RALGAPA2: variants seen among roughly 807,000 people sequenced by gnomAD.
RALGAPA2 encodes the protein ral GTPase-activating protein subunit alpha-2.
RALGAPA2 carries 139 observed loss-of-function variants against 230.4 expected under a neutral mutation model. The ratio of observed to expected loss-of-function variants is 0.60; its 90% CI spans 0.53 to 0.69. The LOEUF is 0.69. RALGAPA2 is among the 30% of genes least tolerant of loss of function. RALGAPA2 has a pLI of 0.00. For synonymous variants in RALGAPA2, 847 were observed against 837.8 expected (o/e 1.01, Z -0.19); for missense variants, 2,163 against 2,276.0 (o/e 0.95, Z 1.01).
At position 20,390,050 on chromosome 20, in the gene RALGAPA2, C is replaced by G. The variant is rs999305632; in HGVS notation, c.*3239G>C. On this transcript the variant is annotated 3_prime_UTR_variant, in exon 40 of 40. Coordinates refer to ENST00000202677, the MANE Select transcript of RALGAPA2 (RefSeq NM_020343.4). Reference sequence around the variant, plus strand: ...ATTTCCCTCGGATGCAGACGCTGCCCTTCAGTAGATATAAAGGTAGCACAG... The same window carrying G: ...ATTTCCCTCGGATGCAGACGCTGCCGTTCAGTAGATATAAAGGTAGCACAG... 6.6e-6 allele frequency: 1 copy of G among 152,094 alleles called. No individual in the cohort carries two copies. The highest frequency in any genetic ancestry group is 1.5e-5 in the Non-Finnish European group (1 of 68,026). 9.4% of individuals were successfully genotyped at this position (152,094 alleles called of 1,614,324 possible). A position where few individuals can be genotyped will look rare whatever the true frequency, so the allele number is the denominator to read the frequency against.
Position 20,575,575 on chromosome 20 carries a change from CA to C in RALGAPA2, c.2708-2508del, listed in dbSNP as rs1372121546. Reference sequence around the variant, plus strand: ...TTCACCATTTTCTAGGGTGAAAAAGCAGTGGCCAGTGGCAACAGAGCTCTAA... The same window carrying C: ...TTCACCATTTTCTAGGGTGAAAAAGCGTGGCCAGTGGCAACAGAGCTCTAA... On this transcript the variant is annotated intron_variant, in intron 20 of 39. Coordinates refer to ENST00000202677, the MANE Select transcript of RALGAPA2 (RefSeq NM_020343.4). Among the ~76,000 whole-genome samples the C allele has an allele frequency of 3.9e-5, 6 of 152,218 alleles. No homozygotes were observed. In the East Asian group the frequency reaches 1.2e-3, roughly 29 times the overall value.
At chr20:20,491,991 C>A (rs1445173286) in intron 36 of RALGAPA2, among the ~76,000 whole-genome samples, 1 of 151,960 alleles carries the variant, frequency 6.6e-6, no homozygotes, top group Non-Finnish European at 1.5e-5. Flanking sequence ...GCGGATTCTG[C>A]CAGGCACATA....
chr20:20,485,678 C>T (rs2061892653), intron 36 of RALGAPA2, among the ~76,000 whole-genome samples: 1 of 152,208 alleles, frequency 6.6e-6, no homozygotes, highest in Non-Finnish European at 1.5e-5. Flanking sequence ...TCAAATAACA[C>T]TATACTGCTT....
At chr20:20,680,860 A>T in intron 1 of RALGAPA2, 59 bp from the exon 2 acceptor site, 1 of 1,508,452 alleles carries the variant, frequency 6.6e-7, no homozygotes, top group African/African-American at 1.4e-5. Flanking sequence ...AAGAATTTAG[A>T]AACAAACTTC....
intron 19 of RALGAPA2, 44 bp downstream of exon 19, chr20:20,584,821 T>C (rs1383849751): frequency 1.5e-6 from 2 of 1,354,870 alleles, no homozygotes; most frequent in Admixed American, 1.7e-5. Context: ...AAATAGAACA[T>C]ATCAACTCTG....
At chr20:20,539,502 TA>T (rs1013299564) in intron 24 of RALGAPA2, among the ~76,000 whole-genome samples, 32 of 152,222 alleles carry the variant, frequency 2.1e-4, no homozygotes, top group African/African-American at 7.2e-4. Context: ...GCATAATTAA[TA>T]AAAATTTGTA....
chr20:20,452,487 C>A lies in RALGAPA2; in HGVS notation c.5495+20342G>T. Among the ~76,000 whole-genome samples, 2 of 152,222 alleles carry A rather than the reference C, an allele frequency of 1.3e-5. 1 individual carries two copies. Among genetic ancestry groups the A allele is most frequent in the Non-Finnish European group, 2.9e-5 (2 of 68,040 alleles). On this transcript the variant is annotated intron_variant, in intron 37 of 39. Coordinates refer to ENST00000202677, the MANE Select transcript of RALGAPA2 (RefSeq NM_020343.4). Reference sequence around the variant, plus strand: ...CGGTGCCACCGCTGACAGGCAGCCACGTGGGTATCCCCAGCGGAAGGGCTG... The same window carrying A: ...CGGTGCCACCGCTGACAGGCAGCCAAGTGGGTATCCCCAGCGGAAGGGCTG...
chr20:20,632,111 G>A (rs868669726), intron 9 of RALGAPA2, among the ~76,000 whole-genome samples: 2 of 150,778 alleles, frequency 1.3e-5, no homozygotes, highest in Non-Finnish European at 2.9e-5. Flanking sequence ...TGCAAGCTCC[G>A]CCTCCTGGGT....
At chr20:20,523,639 T>G (rs1385314409) in intron 30 of RALGAPA2, among the ~76,000 whole-genome samples, 1 of 152,194 alleles carries the variant, frequency 6.6e-6, no homozygotes. Flanking sequence ...GACAACCCAA[T>G]TACCCTGATT....
chr20:20,524,108 C>T (rs2063125238), intron 30 of RALGAPA2, among the ~76,000 whole-genome samples: 1 of 152,102 alleles, frequency 6.6e-6, no homozygotes, highest in Admixed American at 6.5e-5. Flanking sequence ...AGGCACCCGC[C>T]ACCACGCCCG....
At chr20:20,424,354 T>C (rs2060338470) in intron 37 of RALGAPA2, among the ~76,000 whole-genome samples, 1 of 152,130 alleles carries the variant, frequency 6.6e-6, no homozygotes, top group Admixed American at 6.5e-5. Flanking sequence ...CTATTTCAAG[T>C]CTAGAGAAAG....
chr20:20,463,794 A>G (rs1023138239), intron 37 of RALGAPA2, among the ~76,000 whole-genome samples: 1 of 152,248 alleles, frequency 6.6e-6, no homozygotes, highest in African/African-American at 2.4e-5. Context: ...ATACTCAGAC[A>G]TTAATAAATG....
chr20:20,652,297 A>G (rs1463800878), intron 4 of RALGAPA2, among the ~76,000 whole-genome samples: 1 of 152,140 alleles, frequency 6.6e-6, no homozygotes, highest in East Asian at 1.9e-4. Flanking sequence ...ACCCTTTCCA[A>G]ACTGCACCTG....
At chr20:20,620,403 C>A in intron 11 of RALGAPA2, 60 bp downstream of exon 11, 1 of 1,536,180 alleles carries the variant, frequency 6.5e-7, no homozygotes, top group Admixed American at 1.8e-5. Context: ...CTTGACTGAG[C>A]AAGTATACTT....
In RALGAPA2 at chr20:20,560,626, G is replaced by T. The variant is rs192716271; in HGVS notation, c.3156+10832C>A. Among the ~76,000 whole-genome samples, 4 of 152,284 alleles carry T rather than the reference G, an allele frequency of 2.6e-5. No homozygotes were observed. In the East Asian group the frequency reaches 7.7e-4, roughly 29 times the overall value. ...CCTTCTATCCAAGTCTACTCTTTAT[G>T]AATTATAAACCACAGTCATGATTTA... On this transcript the variant is annotated intron_variant, in intron 23 of 39. Coordinates refer to ENST00000202677, the MANE Select transcript of RALGAPA2 (RefSeq NM_020343.4).
At chr20:20,522,571 G>C (rs1272369886) in intron 30 of RALGAPA2, among the ~76,000 whole-genome samples, 3 of 152,172 alleles carry the variant, frequency 2.0e-5, no homozygotes, top group South Asian at 4.1e-4. Context: ...AGTGGCTATG[G>C]GGAGGCACAG....
At chr20:20,505,381 A>G in intron 34 of RALGAPA2, 30 bp downstream of exon 34, 1 of 1,575,400 alleles carries the variant, frequency 6.3e-7, no homozygotes, top group Non-Finnish European at 8.6e-7. Context: ...AGTGCTGGTC[A>G]ATAAACACCT....
intron 38 of RALGAPA2, among the ~76,000 whole-genome samples, chr20:20,399,721 G>A (rs2059793380): frequency 6.6e-6 from 1 of 152,392 alleles, no homozygotes; most frequent in South Asian, 2.1e-4. Context: ...CCGCCTAGCA[G>A]AGGCGTTCCA....
chr20:20,659,837 G>T, intron 3 of RALGAPA2: 1 of 724,338 alleles, frequency 1.4e-6, no homozygotes. Flanking sequence ...AGCAGCAAGA[G>T]GAAAGCTATT....
Sources: gnomAD v4.1 joint callset for allele counts (sites outside exome capture counted in the v4.1 genomes callset) on GRCh38, gnomAD v4.1.1 for gene constraint, MANE v1.5 for transcripts, NCBI Gene and HGNC (gene_info 2026-07-23, HGNC 2026-07-21) for gene names.